Variants in MGAM observed in about 807,000 individuals in gnomAD.
The protein encoded by MGAM is maltase-glucoamylase.
MGAM carries 253 observed loss-of-function variants against 358.8 expected under a neutral mutation model. The ratio of observed to expected loss-of-function variants is 0.71; its 90% CI spans 0.64 to 0.78. The LOEUF (loss-of-function observed/expected upper bound fraction) is 0.78, where lower values mean the gene tolerates loss of function less well. Ranked by LOEUF, MGAM falls within the 30% of genes least tolerant of loss-of-function variation. The pLI is 0.00. For missense variants in MGAM, 3,080 were observed against 3,432.6 expected (o/e 0.90, Z 2.57); for synonymous variants, 1,105 against 1,227.1 (o/e 0.90, Z 2.08).
At chr7:142,029,302 G>C (rs782187298) in intron 10 of MGAM, among the ~76,000 whole-genome samples, 5 of 152,082 alleles carry the variant, frequency 3.3e-5, no homozygotes, top group Non-Finnish European at 7.4e-5. Flanking sequence ...GGAGGTTGCA[G>C]TGAGCTGAGA....
Position 142,063,642 on chromosome 7 carries a change from G to C in MGAM, c.4345+56G>C. On this transcript the variant is annotated intron_variant, in intron 36 of 70. Coordinates refer to ENST00000475668, the MANE Select transcript of MGAM (RefSeq NM_001365693.1). ...AGCCATGACTGGAAGGATTACACTG[G>C]AGGAGCCCGAGGCCAGGGGCAGCCC... 1.9e-6 allele frequency: 3 copies of C among 1,571,850 alleles called. No individual in the cohort carries two copies. The South Asian group carries it at 3.5e-5, about 18-fold the overall frequency.
rs1374258157 is a variant in MGAM, at chr7:142,089,477, A to G, written c.6811-2436A>G. ...AGGATAATTATAACTATTGGTTGGT[A>G]CAAAGGTAATTGTAGTTTTTGCCAT... is the stretch of plus-strand genomic sequence containing the variant. On this transcript the variant is annotated intron_variant, in intron 57 of 70. Transcript: ENST00000475668. Among the ~76,000 whole-genome samples, 2 of 146,592 alleles carry G rather than the reference A, an allele frequency of 1.4e-5. 1 individual carries two copies. Among genetic ancestry groups the G allele is most frequent in the East Asian group, 4.0e-4 (2 of 4,984 alleles).
In MGAM at chr7:142,042,211, T is replaced by TA. The variant is rs1245107124; in HGVS notation, c.2498+1365_2498+1366insA. Among the ~76,000 whole-genome samples the TA allele has an allele frequency of 3.3e-4, 3 of 9,222 alleles. 1 individual carries two copies. The highest frequency in any genetic ancestry group is 2.9e-3 in the African/African-American group (3 of 1,036). 6.0% of individuals were successfully genotyped at this position (9,222 alleles called of 152,430 possible). A position where few individuals can be genotyped will look rare whatever the true frequency, so the allele number is the denominator to read the frequency against. ...ATATATACATATAATATATAACATA[T>TA]TATATATACATATAATATATAACAT... is the stretch of plus-strand genomic sequence containing the variant. On this transcript the variant is annotated intron_variant, in intron 21 of 70. Transcript: ENST00000475668.
At position 142,037,169 on chromosome 7, in the gene MGAM, A is replaced by C. The variant is rs151156599; in HGVS notation, c.2231+192A>C. Among the ~76,000 whole-genome samples the C allele has an allele frequency of 1.2e-3, 182 of 152,304 alleles. 4 individuals carry two copies. The East Asian group carries it at 0.024, about 20-fold the overall frequency. ...TATCTAACTGGAATACCTAGTTGGT[A>C]TTTGTAAGCATCGCCTGTTCCCTTT... On this transcript the variant is annotated intron_variant, in intron 18 of 70. Coordinates refer to ENST00000475668, the MANE Select transcript of MGAM (RefSeq NM_001365693.1).
rs1232791756 is a variant in MGAM at position 142,052,953 on chromosome 7, C to T, written c.3128C>T (p.Thr1043Ile). ...GTGAACCCCCTTCGCCTGGATGTCA[C>T]TTACCATAAGAATGAAATGCTGCAG... ...TPVNPLRLDV[T>I]YHKNEMLQFK... Residue 1043 changes from threonine (T) to isoleucine (I), a missense_variant, in exon 26 of 71, where the codon ACT becomes ATT. Thr to Ile is a moderately conservative substitution (Grantham distance 89, BLOSUM62 -1). Around this residue, in one of 5 missense-constraint regions of MGAM, gnomAD observed 1,816 missense variants for 1,840.5 expected, o/e 0.99. Transcript: ENST00000475668. 6.2e-7 allele frequency: 1 copy of T among 1,613,884 alleles called. No homozygotes were observed. Among genetic ancestry groups the T allele is most frequent in the African/African-American group, 1.3e-5 (1 of 75,026 alleles).
chr7:142,059,661 C>G (rs563105575), intron 32 of MGAM, 61 bp downstream of exon 32: 1 of 1,599,126 alleles, frequency 6.3e-7, no homozygotes, highest in African/African-American at 1.3e-5. Context: ...TTGGTGGAGT[C>G]AGAGTTATAC....
rs34828733 is a variant in MGAM at position 142,051,083 on chromosome 7, T to TC, written c.2805+219_2805+220insC. ...TTCTCTGCCTATCAGTGTTCCCGTC[T>TC]TTCTAGCTGGTTTCACTTGCTTTTC... On this transcript the variant is annotated intron_variant, in intron 24 of 70. Transcript: ENST00000475668. 5.0e-3 allele frequency among the ~76,000 whole-genome samples: 754 copies of TC among 152,268 alleles called. 4 individuals are homozygous for TC. Among genetic ancestry groups the TC allele is most frequent in the African/African-American group, 0.017 (705 of 41,566 alleles).
chr7:142,053,050 T>G, intron 26 of MGAM, 66 bp downstream of exon 26: 1 of 1,522,830 alleles, frequency 6.6e-7, no homozygotes, highest in South Asian at 1.1e-5. Flanking sequence ...TTTATTGGTC[T>G]GGATCACAGA....
intron 65 of MGAM, 122 bp from the exon 66 acceptor site, chr7:142,097,471 C>T: frequency 1.1e-6 from 1 of 920,722 alleles, no homozygotes; most frequent in East Asian, 2.5e-5. Context: ...AGGTGACCTC[C>T]TGGGACATGA....
intron 57 of MGAM, among the ~76,000 whole-genome samples, chr7:142,091,123 T>C (rs1284368681): frequency 6.9e-6 from 1 of 144,322 alleles, no homozygotes; most frequent in Non-Finnish European, 1.6e-5. Flanking sequence ...GGTGTGTGCC[T>C]GTAATCCCAG....
chr7:142,101,908 CA>C (rs11452654), intron 68 of MGAM, among the ~76,000 whole-genome samples: 69 of 129,986 alleles, frequency 5.3e-4, no homozygotes, highest in East Asian at 9.6e-4. Flanking sequence ...AACTCTGTCT[CA>C]AAAAAAAAAA....
chr7:142,068,879 A>G (rs1813082839), intron 43 of MGAM, among the ~76,000 whole-genome samples, 176 bp downstream of exon 43: 1 of 146,220 alleles, frequency 6.8e-6, no homozygotes, highest in African/African-American at 2.4e-5. Flanking sequence ...GGGTAAGACC[A>G]CTTTCCTCAT....
At chr7:142,078,785 A>G (rs768646323) in intron 48 of MGAM, 23 bp from the exon 49 acceptor site, 2 of 1,536,184 alleles carry the variant, frequency 1.3e-6, no homozygotes, top group South Asian at 1.1e-5. Flanking sequence ...GTGCTGATCT[A>G]TGACTTTGGC....
chr7:142,099,559 T>TC lies in MGAM; in HGVS notation c.7750-53dup. ...TGAGATGTCTGGCAGGATGCATTGT[T>TC]CAGGGAGGGGCCTGTCCTCTCCTTA... is the stretch of plus-strand genomic sequence containing the variant. On this transcript the variant is annotated intron_variant, in intron 66 of 70. Transcript: ENST00000475668. 1.9e-6 allele frequency: 3 copies of TC among 1,613,026 alleles called. No homozygotes were observed. The South Asian group carries it at 3.3e-5, about 18-fold the overall frequency.
chr7:142,044,662 T>A (rs1344997121), intron 21 of MGAM, among the ~76,000 whole-genome samples: 1 of 77,354 alleles, frequency 1.3e-5, no homozygotes, highest in Non-Finnish European at 2.9e-5. Flanking sequence ...ATAATGTATA[T>A]TATATACACG....
At position 142,052,152 on chromosome 7, in the gene MGAM, T is replaced by C. The variant is rs900156694; in HGVS notation, c.2806-142T>C. 3 of 720,598 alleles carry C rather than the reference T, an allele frequency of 4.2e-6. No homozygotes were observed. The African/African-American group carries it at 5.4e-5, about 13-fold the overall frequency. 44.6% of individuals were successfully genotyped at this position (720,598 alleles called of 1,614,324 possible). ...ATTCTCCCAATGTGCAGTTCTCTTCTTATAAGCTAAAGTCATATGTTGCTT... is the reference window on the plus strand; with the variant it reads ...ATTCTCCCAATGTGCAGTTCTCTTCCTATAAGCTAAAGTCATATGTTGCTT... On this transcript the variant is annotated intron_variant, in intron 24 of 70. Transcript: ENST00000475668.
chr7:142,092,132 G>T, intron 58 of MGAM, 85 bp downstream of exon 58: 1 of 1,468,710 alleles, frequency 6.8e-7, no homozygotes. Flanking sequence ...CTTCAGTCAA[G>T]AGGATAGTCA....
chr7:142,045,935 C>G (rs1450169954), intron 21 of MGAM, among the ~76,000 whole-genome samples: 1 of 98,740 alleles, frequency 1.0e-5, no homozygotes, highest in Non-Finnish European at 2.0e-5. Context: ...TGTATACATA[C>G]AATATGTAAT....
chr7:142,071,219 A>G, intron 44 of MGAM, 101 bp downstream of exon 44: 3 of 1,298,508 alleles, frequency 2.3e-6, no homozygotes, highest in Non-Finnish European at 2.1e-6. Context: ...CCCACATGCA[A>G]TTCTACTCAA....
Sources: gnomAD v4.1 joint callset for allele counts (sites outside exome capture counted in the v4.1 genomes callset) on GRCh38, gnomAD v4.1.1 for gene constraint, gnomAD v4.1.1 regional missense constraint, MANE v1.5 for transcripts, NCBI Gene and HGNC (gene_info 2026-07-23, HGNC 2026-07-21) for gene names.